PML: variants seen among roughly 807,000 people sequenced by gnomAD.
The protein encoded by PML is PML nuclear body scaffold.
A neutral mutation model predicts 65.2 loss-of-function variants in PML; 28 were observed. The observed-to-expected ratio is 0.43, with a 90% confidence interval of 0.32 to 0.59. The LOEUF (loss-of-function observed/expected upper bound fraction) is 0.59, where lower values mean the gene tolerates loss of function less well. Among genes scored for constraint, PML ranks in the 20% least tolerant of loss-of-function variants. The pLI is 0.08. For missense variants in PML, 1,021 were observed against 1,203.4 expected, an observed-to-expected ratio of 0.85 and a Z score of 2.24; for synonymous variants, 500 against 508.8, an observed-to-expected ratio of 0.98 and a Z score of 0.23.
Position 74,037,560 on chromosome 15 carries a change from T to C in PML, c.1710+3030T>C, listed in dbSNP as rs536788663. 37 of 985,378 alleles carry C rather than the reference T, an allele frequency of 3.8e-5. 1 individual carries two copies. The South Asian group carries it at 7.0e-4, about 19-fold the overall frequency. The allele number at this position is 985,378 out of a possible 1,614,324, so 61.0% of individuals were successfully genotyped here. On this transcript the variant is annotated intron_variant, in intron 7 of 8. Transcript: ENST00000268058. The surrounding 1 kb of genome is among the most constrained non-coding windows in gnomAD (Gnocchi z 4.2). The stretch of plus-strand genomic sequence containing the variant: ...CTTCCTCTGCTCTCCTTGTTTACAC[T>C]TCAGCCCCCTCCTTGCCCCTTCTTC...
At chr15:74,033,075 C>T in intron 5 of PML, 81 bp from the exon 6 acceptor site, 1 of 1,512,678 alleles carries the variant, frequency 6.6e-7, no homozygotes, top group Non-Finnish European at 9.2e-7. Context: ...AGGGTGGCCA[C>T]AAGTCCCTGG....
rs1375690293 is a variant in PML, at chr15:74,034,503, C to T, written c.1683C>T (p.Ser561=). ...EAEERVVVIS[S]SEDSDAENSS... The stretch of plus-strand genomic sequence containing the variant: ...AGGAACGCGTTGTGGTGATCAGCAG[C>T]TCGGAAGACTCAGATGCCGAAAACT... The change falls in exon 7 of 9, where the codon AGC becomes AGT. Residue 561 remains serine, a synonymous_variant. Transcript: ENST00000268058. 1 of 1,614,184 alleles carries T rather than the reference C, an allele frequency of 6.2e-7. No homozygotes were observed. Among genetic ancestry groups the T allele is most frequent in the South Asian group, 1.1e-5 (1 of 91,086 alleles).
At chr15:74,024,702 T>C (rs2277599) in intron 3 of PML, among the ~76,000 whole-genome samples, 155 bp from the exon 4 acceptor site, 82,819 of 151,992 alleles carry the variant, frequency 0.54, 22,879 homozygotes, top group East Asian at 0.63. Context: ...TCCTTCCAGC[T>C]GCCCCTCCAG....
chr15:74,000,800 A>G (rs967713458), intron 2 of PML, among the ~76,000 whole-genome samples: 2 of 152,146 alleles, frequency 1.3e-5, no homozygotes, highest in African/African-American at 4.8e-5. Context: ...TAACCTGCAG[A>G]TACTGAGGGC....
rs368684793 is a variant in PML at position 73,998,405 on chromosome 15, C to G, written c.531C>G (p.Phe177Leu). 1 of 1,613,940 alleles carries G rather than the reference C, an allele frequency of 6.2e-7. No homozygotes were observed. Among genetic ancestry groups the G allele is most frequent in the Non-Finnish European group, 8.5e-7 (1 of 1,179,934 alleles). ...TGCGCAACCAGTCGGTGCGTGAGTTCCTGGACGGCACCCGCAAGACCAACA... is the reference window on the plus strand; with the variant it reads ...TGCGCAACCAGTCGGTGCGTGAGTTGCTGGACGGCACCCGCAAGACCAACA... ...AELRNQSVRE[F>L]LDGTRKTNNI... Residue 177 changes from phenylalanine (F) to leucine (L), a missense_variant, in exon 2 of 9, where the codon TTC becomes TTG. Phe to Leu is a conservative substitution (Grantham distance 22). Transcript: ENST00000268058.
At chr15:74,030,918 ATTT>A (rs1193789239) in intron 4 of PML, among the ~76,000 whole-genome samples, 6 of 151,742 alleles carry the variant, frequency 4.0e-5, no homozygotes, top group African/African-American at 1.5e-4. Flanking sequence ...AAATTTTTTA[ATTT>A]TTTTTCTTTG....
rs754139645 is a variant in PML at position 74,045,016 on chromosome 15, G to T, written c.*8G>T. The stretch of plus-strand genomic sequence containing the variant: ...GCCTCCCAGCAGAGCTGAGAGGAGG[G>T]GGTGACCAGCTTGGAGTCTCTGGTG... On this transcript the variant is annotated 3_prime_UTR_variant, in exon 9 of 9. Transcript: ENST00000268058. 12 of 1,590,248 alleles carry T rather than the reference G, an allele frequency of 7.5e-6. No individual in the cohort carries two copies. The African/African-American group carries it at 1.5e-4, about 20-fold the overall frequency.
In PML at chr15:74,044,799, C is replaced by T. The variant is rs772617875; in HGVS notation, c.2440C>T (p.Arg814Cys). 1.2e-5 allele frequency: 19 copies of T among 1,613,066 alleles called. No individual in the cohort carries two copies. Among genetic ancestry groups the T allele is most frequent in the Admixed American group, 8.3e-5 (5 of 60,014 alleles). The part of the protein sequence containing the change: ...SFMELLSAHR[R>C]DRQGGLKKYS... The stretch of plus-strand genomic sequence containing the variant: ...CATGGAGCTGCTGAGTGCACACCGC[C>T]GTGACCGGCAGGGGGGCCTGAAGAA... Residue 814 changes from arginine (R) to cysteine (C), a missense_variant, in exon 9 of 9, where the codon CGT (arginine) becomes TGT (cysteine). Arg to Cys is a radical substitution (Grantham distance 180, BLOSUM62 -3). Transcript: ENST00000268058.
At position 74,023,210 on chromosome 15, in the gene PML, G is replaced by T; in HGVS notation, c.985G>T (p.Gly329Cys). Reference protein sequence around the residue: ...LDAVLQRIRTGSALVQRMKCY... With the variant: ...LDAVLQRIRTCSALVQRMKCY... Reference sequence around the variant, plus strand: ...TGCTGTGCTGCAGCGCATCCGCACGGGCAGCGCGCTGGTGCAGAGGATGAA... The same window carrying T: ...TGCTGTGCTGCAGCGCATCCGCACGTGCAGCGCGCTGGTGCAGAGGATGAA... The change falls in exon 3 of 9, where the codon GGC becomes TGC. Residue 329 changes from glycine to cysteine, a missense_variant. Physicochemically the swap from Gly to Cys is radical, Grantham distance 159 (BLOSUM62 -3). Transcript: ENST00000268058. The T allele has an allele frequency of 6.2e-7, 1 of 1,609,518 alleles. No individual in the cohort carries two copies.
At chr15:73,996,462 G>A (rs142737689) in intron 1 of PML, among the ~76,000 whole-genome samples, 1 of 152,332 alleles carries the variant, frequency 6.6e-6, no homozygotes, top group East Asian at 1.9e-4. Flanking sequence ...TCTGGGTGAT[G>A]GTGATAACAC....
chr15:74,005,524 C>T (rs556978685), intron 2 of PML, among the ~76,000 whole-genome samples: 60 of 151,532 alleles, frequency 4.0e-4, no homozygotes, highest in Non-Finnish European at 6.9e-4. Context: ...CTCATCTTTT[C>T]GCCGCTGACT....
chr15:74,014,990 G>C (rs1042718378), intron 2 of PML, among the ~76,000 whole-genome samples: 12 of 152,090 alleles, frequency 7.9e-5, no homozygotes, highest in African/African-American at 2.9e-4. Flanking sequence ...GTGTAGAAAA[G>C]AGTGGAGAAG....
intron 1 of PML, among the ~76,000 whole-genome samples, chr15:73,996,637 T>C (rs994850460): frequency 1.3e-5 from 2 of 152,252 alleles, no homozygotes; most frequent in African/African-American, 4.8e-5. Flanking sequence ...CCTTTCTTTT[T>C]TACAAAAGGA....
intron 2 of PML, among the ~76,000 whole-genome samples, chr15:74,021,979 C>T (rs762462548): frequency 1.3e-5 from 2 of 152,038 alleles, no homozygotes; most frequent in East Asian, 3.9e-4. Context: ...TTTTTTGAGA[C>T]GGAGTTTTGC....
In PML at chr15:74,023,467, C is replaced by T. The variant is rs1000555582; in HGVS notation, c.1183+59C>T. On this transcript the variant is annotated intron_variant, in intron 3 of 8. Transcript: ENST00000268058. ...TGCCTCTGCTGCACCCTAGGGAAGG[C>T]GAGTCAGAAGAGATCATCTCCATTT... is the stretch of plus-strand genomic sequence containing the variant. The T allele has an allele frequency of 6.1e-5, 82 of 1,341,804 alleles. 1 individual carries two copies. The highest frequency in any genetic ancestry group is 4.0e-4 in the Middle Eastern group (2 of 5,034). The allele number at this position is 1,341,804 out of a possible 1,614,324, so 83.1% of individuals were successfully genotyped here.
At chr15:74,017,606 G>A (rs778407877) in intron 2 of PML, among the ~76,000 whole-genome samples, 4 of 152,070 alleles carry the variant, frequency 2.6e-5, no homozygotes, top group Non-Finnish European at 5.9e-5. Flanking sequence ...TTGAGATCAC[G>A]CCACTGCACT....
chr15:74,033,813 T>C lies in PML; in HGVS notation c.1657+399T>C, dbSNP rs141015757. 2.2e-4 allele frequency: 114 copies of C among 528,654 alleles called. 1 individual carries two copies. The East Asian group carries it at 3.3e-3, about 15-fold the overall frequency. 32.7% of individuals were successfully genotyped at this position (528,654 alleles called of 1,614,324 possible). A position where few individuals can be genotyped will look rare whatever the true frequency, so the allele number is the denominator to read the frequency against. ...ACTCTGCTCTCTCAGTCTACACCCA[T>C]CATTTCCCCAAGTGTTTCTGCAAAG... On this transcript the variant is annotated intron_variant, in intron 6 of 8. Coordinates refer to ENST00000268058, the MANE Select transcript of PML (RefSeq NM_033238.3).
chr15:74,037,259 C>G lies in PML; in HGVS notation c.1710+2729C>G, dbSNP rs1368200159. On this transcript the variant is annotated intron_variant, in intron 7 of 8. Coordinates refer to ENST00000268058, the MANE Select transcript of PML (RefSeq NM_033238.3). The surrounding 1 kb of genome is among the most constrained non-coding windows in gnomAD (Gnocchi z 4.2). ...TTCTGCTCCAGGGAGAAAACAGGAG[C>G]TCTCCAATGGCATAGGGACAGTTGA... is the stretch of plus-strand genomic sequence containing the variant. 1.0e-6 allele frequency: 1 copy of G among 985,320 alleles called. No individual in the cohort carries two copies. Among genetic ancestry groups the G allele is most frequent in the South Asian group, 4.7e-5 (1 of 21,294 alleles). 61.0% of individuals were successfully genotyped at this position (985,320 alleles called of 1,614,324 possible). A position where few individuals can be genotyped will look rare whatever the true frequency, so the allele number is the denominator to read the frequency against.
chr15:74,042,723 G>T lies in PML; in HGVS notation c.1711-266G>T. The T allele has an allele frequency of 1.0e-6, 1 of 985,374 alleles. No individual in the cohort carries two copies. The highest frequency in any genetic ancestry group is 1.2e-6 in the Non-Finnish European group (1 of 829,936). The allele number at this position is 985,374 out of a possible 1,614,324, so 61.0% of individuals were successfully genotyped here. The stretch of plus-strand genomic sequence containing the variant: ...CTTGGATTCATTCCCACACATGCAC[G>T]TTCACAACCTGTGTGTGTCACCCTT... On this transcript the variant is annotated intron_variant, in intron 7 of 8. Coordinates refer to ENST00000268058, the MANE Select transcript of PML (RefSeq NM_033238.3). The surrounding 1 kb of genome is among the most constrained non-coding windows in gnomAD (Gnocchi z 5.3).
Sources: gnomAD v4.1 joint callset for allele counts (sites outside exome capture counted in the v4.1 genomes callset) on GRCh38, gnomAD v4.1.1 for gene constraint, Gnocchi (gnomAD v3.1) non-coding constraint, MANE v1.5 for transcripts, NCBI Gene and HGNC (gene_info 2026-07-23, HGNC 2026-07-21) for gene names.